Variants in ZP3 observed in about 807,000 individuals in gnomAD.
ZP3 encodes the protein zona pellucida sperm-binding protein 3.
A neutral mutation model predicts 35.6 loss-of-function variants in ZP3; 21 were observed. The observed-to-expected ratio is 0.59, with a 90% confidence interval of 0.42 to 0.85. The LOEUF is 0.85. Ranked by LOEUF, ZP3 falls within the 40% of genes least tolerant of loss-of-function variation. ZP3 has a pLI of 0.00. For missense variants in ZP3, 437 were observed against 536.5 expected, an observed-to-expected ratio of 0.81 and a Z score of 1.83; for synonymous variants, 207 against 214.5, an observed-to-expected ratio of 0.96 and a Z score of 0.31.
intron 1 of ZP3, among the ~76,000 whole-genome samples, chr7:76,418,565 A>G (rs1805431617): frequency 7.1e-6 from 1 of 140,244 alleles, no homozygotes; most frequent in African/African-American, 2.7e-5. Context: ...AAAAAAAAAA[A>G]AAAAAAAAAG....
chr7:76,412,171 G>C (rs914816293), intron 1 of ZP3, among the ~76,000 whole-genome samples: 1 of 144,654 alleles, frequency 6.9e-6, no homozygotes, highest in African/African-American at 2.7e-5. Flanking sequence ...CTGGGGGACA[G>C]AGTGAGACTC....
intron 2 of ZP3, among the ~76,000 whole-genome samples, chr7:76,431,509 A>G (rs1709471211): frequency 6.6e-6 from 1 of 152,132 alleles, no homozygotes; most frequent in African/African-American, 2.4e-5. Context: ...AGGTATCTGC[A>G]GATACCCAGA....
chr7:76,421,699 A>G (rs975319918), upstream of ZP3, among the ~76,000 whole-genome samples: 2 of 151,820 alleles, frequency 1.3e-5, no homozygotes. Flanking sequence ...GGTTTAAGCA[A>G]TTCTCCCACC....
intron 1 of ZP3, among the ~76,000 whole-genome samples, chr7:76,401,260 G>C (rs946860188): frequency 6.6e-5 from 10 of 152,080 alleles, no homozygotes; most frequent in African/African-American, 2.2e-4. Context: ...GGCCAACCTA[G>C]AGAGATCTGC....
At chr7:76,426,082 CAAA>C (rs368396750) in intron 1 of ZP3, among the ~76,000 whole-genome samples, 5 of 121,792 alleles carry the variant, frequency 4.1e-5, no homozygotes, top group South Asian at 2.7e-4. Flanking sequence ...GACTCTGGCT[CAAA>C]AAAAAAAAAA....
rs1176194735 is a variant in ZP3 at position 76,406,407 on chromosome 7, C to G, written c.-67+8610C>G. Among the ~76,000 whole-genome samples the G allele has an allele frequency of 1.3e-5, 2 of 152,140 alleles. 1 individual carries two copies. On this transcript the variant is annotated intron_variant, in intron 1 of 8. Coordinates refer to the ZP3 transcript ENST00000336517. ...TGTACAATGCCTTCTAAAAAGGACT[C>G]TGGTTTTCCGTTTATCAGAACAATA... is the stretch of plus-strand genomic sequence containing the variant.
intron 1 of ZP3, among the ~76,000 whole-genome samples, chr7:76,427,116 T>C (rs73363132): frequency 0.039 from 5,972 of 152,122 alleles, 339 homozygotes; most frequent in African/African-American, 0.13. Context: ...ATAGAAAGGA[T>C]GTGGGACCAG....
At chr7:76,423,168 A>AGAGAGAGAGG (rs919037081), upstream of ZP3, among the ~76,000 whole-genome samples, 1 of 151,204 alleles carries the variant, frequency 6.6e-6, no homozygotes, top group Non-Finnish European at 1.5e-5. Context: ...AGGCAGCATG[A>AGAGAGAGAGG]GAGAGAGAGG....
At chr7:76,406,667 C>CTT (rs1805044882) in intron 1 of ZP3, among the ~76,000 whole-genome samples, 4 of 151,030 alleles carry the variant, frequency 2.6e-5, no homozygotes, top group Admixed American at 2.0e-4. Context: ...TTCTTTTTTT[C>CTT]TTTTTAGTAG....
At chr7:76,425,669 A>G (rs1262153389) in intron 1 of ZP3, among the ~76,000 whole-genome samples, 1 of 152,270 alleles carries the variant, frequency 6.6e-6, no homozygotes, top group South Asian at 2.1e-4. Context: ...ACATTATCTT[A>G]AAAACAACAA....
upstream of ZP3, among the ~76,000 whole-genome samples, chr7:76,420,936 CT>C (rs547626231): frequency 0.01 from 1,423 of 139,484 alleles, 10 homozygotes; most frequent in Middle Eastern, 0.019. Flanking sequence ...TGTGTCTCCA[CT>C]TTTTTTTTTT....
intron 2 of ZP3, 80 bp from the exon 3 acceptor site, chr7:76,432,847 C>T (rs1584065533): frequency 3.4e-6 from 4 of 1,188,924 alleles, no homozygotes; most frequent in Non-Finnish European, 3.7e-6. Flanking sequence ...AGTGGGGTAG[C>T]AGTGAGATAC....
At chr7:76,435,072 T>G (rs1324129466) in intron 5 of ZP3, among the ~76,000 whole-genome samples, 4 of 152,224 alleles carry the variant, frequency 2.6e-5, no homozygotes, top group African/African-American at 9.6e-5. Context: ...AATTGCCTGG[T>G]GCGGTGGCTC....
chr7:76,399,599 A>G (rs1196932069), intron 1 of ZP3, among the ~76,000 whole-genome samples: 1 of 151,958 alleles, frequency 6.6e-6, no homozygotes, highest in Non-Finnish European at 1.5e-5. Flanking sequence ...CAGTGTCACA[A>G]TCACGGCTCA....
intron 1 of ZP3, among the ~76,000 whole-genome samples, chr7:76,409,992 A>G (rs937915486): frequency 4.6e-5 from 7 of 151,136 alleles, no homozygotes; most frequent in East Asian, 3.9e-4. Flanking sequence ...GGACCTCACA[A>G]CCTCACTTGG....
chr7:76,418,599 A>G (rs977609208), intron 1 of ZP3, among the ~76,000 whole-genome samples: 39 of 141,054 alleles, frequency 2.8e-4, no homozygotes, highest in Admixed American at 3.1e-4. Flanking sequence ...GCTCACACCT[A>G]TAATCCCAGC....
At chr7:76,430,824 G>A (rs1287913828) in intron 2 of ZP3, among the ~76,000 whole-genome samples, 1 of 152,192 alleles carries the variant, frequency 6.6e-6, no homozygotes, top group Non-Finnish European at 1.5e-5. Context: ...AGGGGTCATG[G>A]TAGGGGTTAT....
chr7:76,423,292 G>A (rs1459458367), upstream of ZP3, among the ~76,000 whole-genome samples: 2 of 152,046 alleles, frequency 1.3e-5, no homozygotes. Flanking sequence ...AAAGAGCCAG[G>A]AGGGCTTTTT....
At chr7:76,397,730 C>A (rs1804686702) in exon 1 of ZP3, 1 of 1,613,252 alleles carries the variant, frequency 6.2e-7, no homozygotes, top group Non-Finnish European at 8.5e-7. Context: ...ATCCGGCAGC[C>A]CCCAGTCGTC....
Sources: allele counts gnomAD v4.1 joint callset (sites outside exome capture counted in the v4.1 genomes callset), GRCh38; gene constraint gnomAD v4.1.1; transcripts MANE v1.5; gene names NCBI Gene and HGNC (gene_info 2026-07-23, HGNC 2026-07-21).